CECR2: variants seen among roughly 807,000 people sequenced by gnomAD.
CECR2 encodes the protein CECR2 histone acetyl-lysine reader.
A neutral mutation model predicts 154.5 loss-of-function variants in CECR2; 30 were observed. The ratio of observed to expected loss-of-function variants is 0.19; its 90% CI spans 0.15 to 0.26. CECR2 has a LOEUF of 0.26. CECR2 is among the 10% of genes least tolerant of loss of function. The pLI is 1.00. For missense variants in CECR2, 1,743 were observed against 1,829.3 expected (o/e 0.95, Z 0.86); for synonymous variants, 725 against 683.7 (o/e 1.06, Z -0.94).
intron 1 of CECR2, among the ~76,000 whole-genome samples, chr22:17,431,162 T>G (rs1192236259): frequency 8.5e-5 from 13 of 152,202 alleles, no homozygotes; most frequent in Admixed American, 8.5e-4. Context: ...ACTCTGAAAT[T>G]TGAGTGCCCA....
chr22:17,541,402 G>C (rs1440001053), intron 14 of CECR2, among the ~76,000 whole-genome samples: 3 of 152,136 alleles, frequency 2.0e-5, no homozygotes, highest in Non-Finnish European at 1.5e-5. Flanking sequence ...CTGAGATCGT[G>C]CCACTGCACC....
intron 1 of CECR2, among the ~76,000 whole-genome samples, chr22:17,378,878 A>C (rs1188866597): frequency 6.6e-6 from 1 of 152,212 alleles, no homozygotes; most frequent in East Asian, 1.9e-4. Flanking sequence ...AATTTAAGGA[A>C]GTTAAAGTTG....
chr22:17,428,762 G>C (rs1432015538), intron 1 of CECR2, among the ~76,000 whole-genome samples: 1 of 150,646 alleles, frequency 6.6e-6, no homozygotes, highest in Non-Finnish European at 1.5e-5. Context: ...ACAGGTGTGA[G>C]CTACTGCACC....
At chr22:17,405,327 G>A (rs1172287570) in intron 1 of CECR2, among the ~76,000 whole-genome samples, 13 of 152,068 alleles carry the variant, frequency 8.5e-5, no homozygotes, top group East Asian at 1.9e-4. Flanking sequence ...CAGGAGAACC[G>A]CTTGAACCTG....
intron 2 of CECR2, among the ~76,000 whole-genome samples, chr22:17,489,447 TATTTA>T (rs2055485617): frequency 6.6e-6 from 1 of 152,316 alleles, no homozygotes; most frequent in Admixed American, 6.5e-5. Flanking sequence ...TAGGGATGCT[TATTTA>T]ATTTATTTAT....
At chr22:17,492,685 T>C (rs560689049) in intron 2 of CECR2, among the ~76,000 whole-genome samples, 1 of 152,338 alleles carries the variant, frequency 6.6e-6, no homozygotes, top group South Asian at 2.1e-4. Flanking sequence ...ATTTGGAACT[T>C]TTCCTAGACA....
At chr22:17,520,145 T>C (rs1409618530) in intron 8 of CECR2, among the ~76,000 whole-genome samples, 2 of 152,196 alleles carry the variant, frequency 1.3e-5, no homozygotes, top group African/African-American at 4.8e-5. Flanking sequence ...TTGGCTTGCA[T>C]TTGCTCAGTC....
At position 17,497,408 on chromosome 22, in the gene CECR2, A is replaced by G. The variant is rs1166144825; in HGVS notation, c.227A>G (p.Gln76Arg). The change falls in exon 3 of 19, where the codon CAG becomes CGG. Residue 76 changes from glutamine to arginine, a missense_variant. Transcript: ENST00000262608. ...TGTTTGGGGCCCTGGTCTAGGCCTC[A>G]GACATTCCACAGCTACCTAGAGGAC... Reference protein sequence around the residue: ...GCYQRRDITPQTFHSYLEDII... With the variant: ...GCYQRRDITPRTFHSYLEDII... 7 of 1,613,256 alleles carry G rather than the reference A, an allele frequency of 4.3e-6. No individual in the cohort carries two copies. Among genetic ancestry groups the G allele is most frequent in the Non-Finnish European group, 5.9e-6 (7 of 1,179,614 alleles).
At chr22:17,541,801 T>G (rs755709867) in intron 14 of CECR2, 38 bp from the exon 15 acceptor site, 1 of 1,577,416 alleles carries the variant, frequency 6.3e-7, no homozygotes, top group South Asian at 1.2e-5. Flanking sequence ...TCTGTGCCTT[T>G]CCTTTTTCCT....
chr22:17,377,617 A>G (rs1447089332), intron 1 of CECR2, among the ~76,000 whole-genome samples: 2 of 152,170 alleles, frequency 1.3e-5, no homozygotes, highest in African/African-American at 4.8e-5. Flanking sequence ...TAGAACTCTG[A>G]ATAAGATCCA....
chr22:17,451,818 A>G (rs2054775836), intron 1 of CECR2, among the ~76,000 whole-genome samples: 1 of 152,234 alleles, frequency 6.6e-6, no homozygotes, highest in Non-Finnish European at 1.5e-5. Flanking sequence ...TTTGGTGTAT[A>G]TGAACTCCAT....
chr22:17,480,515 C>A (rs1276831913), intron 2 of CECR2, among the ~76,000 whole-genome samples: 1 of 151,352 alleles, frequency 6.6e-6, no homozygotes, highest in African/African-American at 2.4e-5. Flanking sequence ...ACAAACTGAA[C>A]ACACCTGTGT....
At chr22:17,524,816 C>A in intron 9 of CECR2, 2 of 382,216 alleles carry the variant, frequency 5.2e-6, no homozygotes, top group Non-Finnish European at 1.1e-5. Flanking sequence ...GGACTATAGG[C>A]GTGCCACCAC....
chr22:17,389,870 C>A (rs5992042), intron 1 of CECR2, among the ~76,000 whole-genome samples: 62 of 152,166 alleles, frequency 4.1e-4, no homozygotes, highest in African/African-American at 1.5e-3. Flanking sequence ...TCAGATGATC[C>A]GCCCACCTCG....
chr22:17,395,243 G>T (rs2146517515), intron 1 of CECR2, among the ~76,000 whole-genome samples: 1 of 152,240 alleles, frequency 6.6e-6, no homozygotes, highest in Admixed American at 6.5e-5. Flanking sequence ...TCCCAGGCTG[G>T]TTTCAAACTC....
chr22:17,533,296 C>G (rs1172788077), intron 9 of CECR2, among the ~76,000 whole-genome samples: 2 of 145,838 alleles, frequency 1.4e-5, no homozygotes, highest in African/African-American at 5.1e-5. Context: ...GCACTCCAGC[C>G]TGAGCAACAG....
chr22:17,463,352 C>CA (rs1477483589), intron 1 of CECR2, among the ~76,000 whole-genome samples: 12 of 149,808 alleles, frequency 8.0e-5, no homozygotes, highest in Non-Finnish European at 1.6e-4. Context: ...TGCTCTGACT[C>CA]ACGTTTCGAA....
chr22:17,393,102 C>T (rs1462511822), intron 1 of CECR2, among the ~76,000 whole-genome samples: 1 of 152,104 alleles, frequency 6.6e-6, no homozygotes, highest in Non-Finnish European at 1.5e-5. Context: ...CTGTTGCCAC[C>T]GTAACCATAC....
intron 8 of CECR2, among the ~76,000 whole-genome samples, chr22:17,515,412 A>G (rs890696472): frequency 6.6e-6 from 1 of 152,234 alleles, no homozygotes; most frequent in South Asian, 2.1e-4. Flanking sequence ...TGGAGACTAC[A>G]TGTAGAAAAC....
Sources: allele counts gnomAD v4.1 joint callset (sites outside exome capture counted in the v4.1 genomes callset), GRCh38; gene constraint gnomAD v4.1.1; transcripts MANE v1.5; gene names NCBI Gene and HGNC (gene_info 2026-07-23, HGNC 2026-07-21).